Variants in NUP188 observed in about 807,000 individuals in gnomAD.
NUP188 encodes nucleoporin 188, also known as nucleoporin NUP188.
Under a neutral mutation model 223.0 loss-of-function variants are expected in NUP188, and 97 were observed. The observed-to-expected ratio is 0.43, with a 90% confidence interval of 0.37 to 0.51. The LOEUF is 0.51. Ranked by LOEUF, NUP188 falls within the 20% of genes least tolerant of loss-of-function variation. The pLI is 0.00. For missense variants in NUP188, 1,947 were observed against 2,175.6 expected, an observed-to-expected ratio of 0.89 and a Z score of 2.09; for synonymous variants, 869 against 828.0, an observed-to-expected ratio of 1.05 and a Z score of -0.85.
At chr9:128,998,064 T>TA in intron 30 of NUP188, 87 bp from the exon 31 acceptor site, 1 of 899,758 alleles carries the variant, frequency 1.1e-6, no homozygotes, top group Non-Finnish European at 1.9e-6. Flanking sequence ...TACCAATGAC[T>TA]AATTGCCTAG....
chr9:129,002,072 C>A, intron 36 of NUP188, 96 bp downstream of exon 36: 1 of 965,750 alleles, frequency 1.0e-6, no homozygotes, highest in South Asian at 1.3e-5. Flanking sequence ...AGTTGCTTTC[C>A]TCTAAATTGC....
chr9:128,969,919 C>A (rs899322465), intron 10 of NUP188, among the ~76,000 whole-genome samples: 1 of 152,016 alleles, frequency 6.6e-6, no homozygotes, highest in Non-Finnish European at 1.5e-5. Context: ...GCGTGAGCCA[C>A]CATGCCCAGT....
rs149187019 is a variant in NUP188, at chr9:129,000,394, C to T, written c.3843+589C>T. Among the ~76,000 whole-genome samples, 816 of 152,298 alleles carry T rather than the reference C, an allele frequency of 5.4e-3. 3 individuals carry two copies. The highest frequency in any genetic ancestry group is 0.012 in the South Asian group (58 of 4,828). The stretch of plus-strand genomic sequence containing the variant: ...AGTGCAGTGGTGCGATCTTGGCTCA[C>T]TGCAAGCTCTGCTTCCCAGATTCAC... On this transcript the variant is annotated intron_variant, in intron 34 of 43. Transcript: ENST00000372577.
chr9:128,993,349 C>A lies in NUP188; in HGVS notation c.2793C>A (p.Gly931=). 1.2e-6 allele frequency: 2 copies of A among 1,614,126 alleles called. No individual in the cohort carries two copies. Among genetic ancestry groups the A allele is most frequent in the Non-Finnish European group, 1.7e-6 (2 of 1,180,012 alleles). The change falls in exon 26 of 44, where the codon GGC becomes GGA. Residue 931 remains glycine (G), a synonymous_variant. Coordinates refer to ENST00000372577, the MANE Select transcript of NUP188 (RefSeq NM_015354.3). ...CTGTTGCAGTAGAGACCCAGCCAGGCCTCATCGAACTGTTTCTGAACCTGG... is the reference window on the plus strand; with the variant it reads ...CTGTTGCAGTAGAGACCCAGCCAGGACTCATCGAACTGTTTCTGAACCTGG... ...FLTVAVETQP[G]LIELFLNLEV...
At chr9:128,997,058 A>C (rs1564565479) in intron 30 of NUP188, among the ~76,000 whole-genome samples, 1 of 152,220 alleles carries the variant, frequency 6.6e-6, no homozygotes, top group Non-Finnish European at 1.5e-5. Context: ...GGAAATAATT[A>C]AAGTGCTGTG....
At chr9:128,971,635 G>A (rs1842106084) in intron 11 of NUP188, among the ~76,000 whole-genome samples, 2 of 152,116 alleles carry the variant, frequency 1.3e-5, no homozygotes, top group Non-Finnish European at 2.9e-5. Flanking sequence ...GGCCAAGCTA[G>A]TCTTGAACTC....
chr9:129,006,016 G>T, intron 41 of NUP188, 34 bp from the exon 42 acceptor site: 1 of 1,611,990 alleles, frequency 6.2e-7, no homozygotes, highest in Non-Finnish European at 8.5e-7. Context: ...AGCTGTTCCT[G>T]TTGTCTTAGT....
intron 21 of NUP188, 46 bp downstream of exon 21, chr9:128,986,724 C>T (rs755467694): frequency 6.2e-7 from 1 of 1,613,858 alleles, no homozygotes. Flanking sequence ...TCTGGCCCCA[C>T]TGGAGAGCTT....
chr9:128,999,183 C>T lies in NUP188; in HGVS notation c.3527C>T (p.Ser1176Phe). Residue 1176 changes from serine (S) to phenylalanine (F), a missense_variant, in exon 33 of 44, where the codon TCT becomes TTT. Transcript: ENST00000372577. ...LLRQWKRELG[S>F]VDEILGPLTE... ...AGTATTCTTTCTAGAGAGTTAGGTT[C>T]TGTGGATGAAATCCTTGGACCCTTG... is the stretch of plus-strand genomic sequence containing the variant. The T allele has an allele frequency of 6.2e-7, 1 of 1,614,030 alleles. No individual in the cohort carries two copies. Among genetic ancestry groups the T allele is most frequent in the Non-Finnish European group, 8.5e-7 (1 of 1,179,952 alleles).
At chr9:128,971,918 C>T (rs1473656959) in intron 11 of NUP188, among the ~76,000 whole-genome samples, 1 of 152,088 alleles carries the variant, frequency 6.6e-6, no homozygotes, top group African/African-American at 2.4e-5. Context: ...ATTACAGGCA[C>T]CTGCCACCAT....
At chr9:128,996,541 G>C (rs1160898078) in intron 30 of NUP188, among the ~76,000 whole-genome samples, 4 of 152,112 alleles carry the variant, frequency 2.6e-5, no homozygotes, top group Admixed American at 1.3e-4. Flanking sequence ...TTGTTGCCTA[G>C]TGCCAGACTG....
At chr9:128,994,293 C>A in intron 27 of NUP188, 80 bp from the exon 28 acceptor site, 1 of 921,230 alleles carries the variant, frequency 1.1e-6, no homozygotes. Context: ...ATGAAGTGAC[C>A]ACCAAAGGGA....
At chr9:128,970,690 A>G (rs761351245) in intron 10 of NUP188, 68 bp from the exon 11 acceptor site, 106 of 1,354,030 alleles carry the variant, frequency 7.8e-5, no homozygotes, top group Non-Finnish European at 1.1e-4. Flanking sequence ...GAGCGTGATG[A>G]AGAATCTGGT....
rs57813508 is a variant in NUP188, at chr9:128,978,556, CAAAAAAAAAAAAAAA to C, written c.1204-697_1204-683del. On this transcript the variant is annotated intron_variant, in intron 12 of 43. Coordinates refer to ENST00000372577, the MANE Select transcript of NUP188 (RefSeq NM_015354.3). ...CCAGCCTGGGCGACAGAGTGAGACT[CAAAAAAAAAAAAAAA>C]AAAAAAAAGGTAAAAAGGAAGAAAC... Among the ~76,000 whole-genome samples the C allele has an allele frequency of 1.6e-3, 105 of 67,644 alleles. No homozygotes were observed. The East Asian group carries it at 0.052, about 33-fold the overall frequency. The allele number at this position is 67,644 out of a possible 152,430, so 44.4% of individuals were successfully genotyped here. A position where few individuals can be genotyped will look rare whatever the true frequency, so the allele number is the denominator to read the frequency against.
At chr9:128,986,295 T>C (rs1029237238) in intron 20 of NUP188, among the ~76,000 whole-genome samples, 1 of 152,210 alleles carries the variant, frequency 6.6e-6, no homozygotes, top group African/African-American at 2.4e-5. Flanking sequence ...GCCTCCCTTC[T>C]GTCCAGATTT....
intron 30 of NUP188, 61 bp downstream of exon 30, chr9:128,995,575 G>A (rs1842510369): frequency 1.4e-6 from 2 of 1,382,552 alleles, no homozygotes. Flanking sequence ...GTTGACATGA[G>A]CCTAGCAGAT....
rs752271218 is a variant in NUP188, at chr9:128,969,501, G to A, written c.899G>A (p.Gly300Glu). Residue 300 changes from glycine to glutamate, a missense_variant, in exon 10 of 44, where the codon GGG (glycine) becomes GAG (glutamate). Coordinates refer to ENST00000372577, the MANE Select transcript of NUP188 (RefSeq NM_015354.3). ...RRELHQFAQDGLICQDMDCLM... is the reference protein window; with the variant it reads ...RRELHQFAQDELICQDMDCLM... Reference sequence around the variant, plus strand: ...GAACTGCATCAGTTTGCGCAGGATGGGCTTATTTGTCAGGTGACTTGGAAT... The same window carrying A: ...GAACTGCATCAGTTTGCGCAGGATGAGCTTATTTGTCAGGTGACTTGGAAT... 4 of 1,556,090 alleles carry A rather than the reference G, an allele frequency of 2.6e-6. No individual in the cohort carries two copies. Among genetic ancestry groups the A allele is most frequent in the South Asian group, 2.4e-5 (2 of 83,268 alleles).
rs1842828653 is a variant in NUP188 at position 129,007,080 on chromosome 9, A to C, written c.*402A>C. 1 of 160,236 alleles carries C rather than the reference A, an allele frequency of 6.2e-6. No individual in the cohort carries two copies. Among genetic ancestry groups the C allele is most frequent in the East Asian group, 1.8e-4 (1 of 5,490 alleles). The allele number at this position is 160,236 out of a possible 1,614,324, so 9.9% of individuals were successfully genotyped here. ...TGTGGTCTATTTATACAGATATTAAAATCTTGTTTATAGACAGCTGTGTGA... is the reference window on the plus strand; with the variant it reads ...TGTGGTCTATTTATACAGATATTAACATCTTGTTTATAGACAGCTGTGTGA... On this transcript the variant is annotated 3_prime_UTR_variant, in exon 44 of 44. Transcript: ENST00000372577.
At chr9:128,968,319 T>TA (rs1338138599) in intron 8 of NUP188, among the ~76,000 whole-genome samples, 187 bp from the exon 9 acceptor site, 1 of 151,994 alleles carries the variant, frequency 6.6e-6, no homozygotes, top group Non-Finnish European at 1.5e-5. Context: ...CTTGCGCCTG[T>TA]AGTCTCAGCT....
Sources: gnomAD v4.1 joint callset for allele counts (sites outside exome capture counted in the v4.1 genomes callset) on GRCh38, gnomAD v4.1.1 for gene constraint, MANE v1.5 for transcripts, NCBI Gene and HGNC (gene_info 2026-07-23, HGNC 2026-07-21) for gene names.